KIAA1217: variants seen among roughly 807,000 people sequenced by gnomAD.
KIAA1217 encodes KIAA1217.
Under a neutral mutation model 163.9 loss-of-function variants are expected in KIAA1217, and 88 were observed. The observed-to-expected ratio is 0.54, with a 90% confidence interval of 0.45 to 0.64. KIAA1217 has a LOEUF of 0.64. Ranked by LOEUF, KIAA1217 falls within the 30% of genes least tolerant of loss-of-function variation. The pLI, the probability that KIAA1217 is intolerant of heterozygous loss-of-function variation, is 0.00. For synonymous variants in KIAA1217, 903 were observed against 923.1 expected, an observed-to-expected ratio of 0.98 and a Z score of 0.39; for missense variants, 2,372 against 2,475.0, an observed-to-expected ratio of 0.96 and a Z score of 0.88.
At chr10:24,467,906 C>T (rs911448236) in intron 5 of KIAA1217, among the ~76,000 whole-genome samples, 25 of 151,850 alleles carry the variant, frequency 1.6e-4, no homozygotes, top group Admixed American at 5.3e-4. Context: ...TGAGTACCAG[C>T]GCAGGAAAAA....
chr10:23,810,085 G>A (rs1206823281), intron 1 of KIAA1217, among the ~76,000 whole-genome samples: 1 of 151,742 alleles, frequency 6.6e-6, no homozygotes, highest in East Asian at 1.9e-4. Flanking sequence ...TTTAAGTTAG[G>A]CTAGGCTAAG....
chr10:24,311,009 A>T (rs2042625455), intron 2 of KIAA1217, among the ~76,000 whole-genome samples: 2 of 152,140 alleles, frequency 1.3e-5, no homozygotes, highest in Non-Finnish European at 2.9e-5. Flanking sequence ...AACAAAACAA[A>T]ACAAAGCAAA....
At chr10:24,381,569 TCTAA>T (rs2053308642) in intron 3 of KIAA1217, among the ~76,000 whole-genome samples, 2 of 152,298 alleles carry the variant, frequency 1.3e-5, no homozygotes, top group Admixed American at 1.3e-4. Context: ...CTTATGAGAA[TCTAA>T]CTAATGCCTG....
intron 4 of KIAA1217, among the ~76,000 whole-genome samples, chr10:24,433,796 T>A (rs2059793633): frequency 6.6e-6 from 1 of 152,156 alleles, no homozygotes; most frequent in South Asian, 2.1e-4. Context: ...ATAAAAGCAG[T>A]GGGCTCTGTA....
At chr10:24,336,881 C>T (rs530740995) in intron 2 of KIAA1217, among the ~76,000 whole-genome samples, 1 of 152,244 alleles carries the variant, frequency 6.6e-6, no homozygotes, top group South Asian at 2.1e-4. Flanking sequence ...AATCTGAACG[C>T]TTACCTTATG....
rs755035827 is a variant in KIAA1217 at position 24,545,050 on chromosome 10, C to G, written c.5281C>G (p.Leu1761Val). The change falls in exon 20 of 21, where the codon CTG becomes GTG. Residue 1761 changes from leucine (L) to valine (V), a missense_variant. Coordinates refer to ENST00000376454, the MANE Select transcript of KIAA1217 (RefSeq NM_019590.5). ...PMSAKNRPGTLDKPGKQSKLQ... is the reference protein window; with the variant it reads ...PMSAKNRPGTVDKPGKQSKLQ... ...GAGTGCCAAGAACAGACCCGGAACC[C>G]TGGACAAACCCGGCAAGCAGTCCAA... The G allele has an allele frequency of 6.2e-7, 1 of 1,614,184 alleles. No homozygotes were observed. The highest frequency in any genetic ancestry group is 8.5e-7 in the Non-Finnish European group (1 of 1,180,040).
chr10:24,239,253 C>T (rs1412597973), intron 2 of KIAA1217: 2 of 985,272 alleles, frequency 2.0e-6, no homozygotes, highest in Non-Finnish European at 2.4e-6. Flanking sequence ...AAGGAAGACC[C>T]TGGAGTCCGT....
intron 2 of KIAA1217, among the ~76,000 whole-genome samples, chr10:24,065,082 C>G (rs2060885115): frequency 6.6e-6 from 1 of 152,058 alleles, no homozygotes; most frequent in Admixed American, 6.6e-5. Context: ...TTGATCCTTT[C>G]AAAAAACCAG....
At chr10:24,067,658 T>G (rs529940102) in intron 2 of KIAA1217, among the ~76,000 whole-genome samples, 6 of 152,296 alleles carry the variant, frequency 3.9e-5, no homozygotes, top group African/African-American at 1.2e-4. Context: ...GAACCACTAC[T>G]CTCTTCAAAG....
At chr10:23,696,806 TTCA>T (rs1448186245) in intron 1 of KIAA1217, among the ~76,000 whole-genome samples, 1 of 152,234 alleles carries the variant, frequency 6.6e-6, no homozygotes, top group Admixed American at 6.5e-5. Context: ...GATACTGTCA[TTCA>T]TCTTTGATTC....
At chr10:24,397,574 G>C (rs894323861) in intron 3 of KIAA1217, among the ~76,000 whole-genome samples, 1 of 152,058 alleles carries the variant, frequency 6.6e-6, no homozygotes, top group Non-Finnish European at 1.5e-5. Flanking sequence ...AAGTAAAAAC[G>C]ACAAAGATCT....
At chr10:23,785,448 C>T (rs1835449267) in intron 1 of KIAA1217, among the ~76,000 whole-genome samples, 1 of 152,112 alleles carries the variant, frequency 6.6e-6, no homozygotes, top group South Asian at 2.1e-4. Context: ...GCTTGAGTCC[C>T]CCATTAGACT....
chr10:24,512,875 G>C (rs185212000), intron 9 of KIAA1217, among the ~76,000 whole-genome samples: 1 of 152,288 alleles, frequency 6.6e-6, no homozygotes, highest in East Asian at 1.9e-4. Context: ...TAAATAATGG[G>C]CCCAAAGTCT....
At chr10:23,704,416 C>G (rs1836746067) in intron 1 of KIAA1217, among the ~76,000 whole-genome samples, 1 of 151,458 alleles carries the variant, frequency 6.6e-6, no homozygotes, top group Non-Finnish European at 1.5e-5. Context: ...TTTTCATCTC[C>G]CCTAAAAGAA....
intron 1 of KIAA1217, among the ~76,000 whole-genome samples, chr10:23,982,209 A>G (rs1845794299): frequency 6.6e-6 from 1 of 152,172 alleles, no homozygotes; most frequent in Non-Finnish European, 1.5e-5. Flanking sequence ...TCTTATGAAG[A>G]GAACAAGTTA....
intron 2 of KIAA1217, among the ~76,000 whole-genome samples, chr10:24,354,902 G>T (rs2048893319): frequency 6.6e-6 from 1 of 152,190 alleles, no homozygotes; most frequent in African/African-American, 2.4e-5. Context: ...TTCCAGACTT[G>T]AGGGTGGGGC....
intron 2 of KIAA1217, among the ~76,000 whole-genome samples, chr10:24,039,216 A>C (rs1848524659): frequency 6.6e-6 from 1 of 152,024 alleles, no homozygotes. Context: ...CAGCTGCCCT[A>C]GCCACACTCC....
At chr10:24,014,340 A>G (rs1847380264) in intron 2 of KIAA1217, among the ~76,000 whole-genome samples, 1 of 152,204 alleles carries the variant, frequency 6.6e-6, no homozygotes, top group South Asian at 2.1e-4. Flanking sequence ...ATATTCAGGC[A>G]TAAGGTAATT....
At chr10:24,052,651 A>G (rs1425605193) in intron 2 of KIAA1217, among the ~76,000 whole-genome samples, 1 of 152,140 alleles carries the variant, frequency 6.6e-6, no homozygotes, top group African/African-American at 2.4e-5. Context: ...TACTTCTATT[A>G]TATTACATTC....
Sources: gnomAD v4.1 joint callset for allele counts (sites outside exome capture counted in the v4.1 genomes callset) on GRCh38, gnomAD v4.1.1 for gene constraint, MANE v1.5 for transcripts, NCBI Gene and HGNC (gene_info 2026-07-23, HGNC 2026-07-21) for gene names.